The following TMEM14C variants were observed in gnomAD, a reference collection of about 807,000 sequenced individuals.
TMEM14C encodes the protein transmembrane protein 14C.
TMEM14C carries 13 observed loss-of-function variants against 14.8 expected under a neutral mutation model. That is an observed-to-expected ratio of 0.88 (90% CI 0.57 to 1.40). The LOEUF (loss-of-function observed/expected upper bound fraction) is 1.40, where lower values mean the gene tolerates loss of function less well. Among genes scored for constraint, TMEM14C ranks in the 40% most tolerant of loss-of-function variants. TMEM14C has a pLI of 0.00. For missense variants in TMEM14C, 142 were observed against 138.8 expected, an observed-to-expected ratio of 1.02 and a Z score of -0.12; for synonymous variants, 57 against 51.3, an observed-to-expected ratio of 1.11 and a Z score of -0.48.
chr6:10,729,943 C>T (rs1162023763), intron 5 of TMEM14C, among the ~76,000 whole-genome samples: 3 of 151,932 alleles, frequency 2.0e-5, no homozygotes, highest in Non-Finnish European at 2.9e-5. Context: ...ATGAAAAATA[C>T]AAAAATTAGC....
intron 1 of TMEM14C, among the ~76,000 whole-genome samples, chr6:10,723,775 A>G (rs1319713533): frequency 6.6e-6 from 1 of 151,524 alleles, no homozygotes; most frequent in Non-Finnish European, 1.5e-5. Context: ...TAATTTTTTT[A>G]TATTTTTTAG....
chr6:10,727,673 T>G (rs1770905026), intron 4 of TMEM14C, among the ~76,000 whole-genome samples: 1 of 151,936 alleles, frequency 6.6e-6, no homozygotes, highest in African/African-American at 2.4e-5. Flanking sequence ...AAAAAAAAAT[T>G]AGCCAGGCGT....
chr6:10,726,283 C>G (rs1770857288), intron 4 of TMEM14C, among the ~76,000 whole-genome samples: 1 of 152,206 alleles, frequency 6.6e-6, no homozygotes, highest in South Asian at 2.1e-4. Context: ...GCAAATGTAT[C>G]AACCGTTGAG....
chr6:10,727,406 C>G (rs1015718018), intron 4 of TMEM14C, among the ~76,000 whole-genome samples: 2 of 152,106 alleles, frequency 1.3e-5, no homozygotes, highest in African/African-American at 4.8e-5. Flanking sequence ...GTGGCACAAC[C>G]TTGGCTCACT....
At chr6:10,728,923 AC>A (rs2127489050) in intron 5 of TMEM14C, 196 bp downstream of exon 5, 1 of 1,310,448 alleles carries the variant, frequency 7.6e-7, no homozygotes, top group Admixed American at 2.2e-5. Context: ...ATATCCATTC[AC>A]CGTGGAAATG....
At chr6:10,728,931 A>G in intron 5 of TMEM14C, 1 of 1,279,326 alleles carries the variant, frequency 7.8e-7, no homozygotes, top group Middle Eastern at 2.1e-4. Flanking sequence ...TCACCGTGGA[A>G]ATGGGTTTGT....
At chr6:10,725,510 T>C (rs537766545) in intron 3 of TMEM14C, among the ~76,000 whole-genome samples, 4 of 152,290 alleles carry the variant, frequency 2.6e-5, no homozygotes, top group Non-Finnish European at 5.9e-5. Flanking sequence ...TCCAGGTCTT[T>C]GTATTTTTTT....
intron 1 of TMEM14C, among the ~76,000 whole-genome samples, chr6:10,723,594 CTTTTT>C (rs34904534): frequency 3.4e-5 from 4 of 118,712 alleles, no homozygotes; most frequent in South Asian, 5.5e-4. Flanking sequence ...AAACTTAATT[CTTTTT>C]TTTTTTTTTT....
intron 1 of TMEM14C, 146 bp downstream of exon 1, chr6:10,723,387 TC>T (rs1415695974): frequency 6.6e-6 from 1 of 152,282 alleles, no homozygotes; most frequent in Non-Finnish European, 1.5e-5. Context: ...TTGGGTATTT[TC>T]TGCTTTTAAA....
chr6:10,730,525 T>G, intron 5 of TMEM14C, 90 bp from the exon 6 acceptor site: 1 of 1,294,462 alleles, frequency 7.7e-7, no homozygotes, highest in Non-Finnish European at 1.1e-6. Flanking sequence ...CCCCACGCAG[T>G]TGTGAGGAAC....
rs75418750 is a variant in TMEM14C at position 10,725,020 on chromosome 6, T to G, written c.80T>G (p.Ile27Ser). The G allele has an allele frequency of 6.2e-7, 1 of 1,614,244 alleles. No homozygotes were observed. The highest frequency in any genetic ancestry group is 1.1e-5 in the South Asian group (1 of 91,090). ...YAALVASGGIIGYVKAGSVPS... is the reference protein window; with the variant it reads ...YAALVASGGISGYVKAGSVPS... ...GCACTGGTTGCTTCTGGTGGGATCA[T>G]TGGCTATGTAAAAGCAGGTAGGGTT... Residue 27 changes from isoleucine (I) to serine (S), a missense_variant, in exon 3 of 6, where the codon ATT becomes AGT. By Grantham distance (142) the Ile-to-Ser change is moderately radical (BLOSUM62 -2). Transcript: ENST00000229563.
At chr6:10,727,694 G>A (rs1036180895) in intron 4 of TMEM14C, among the ~76,000 whole-genome samples, 5 of 151,986 alleles carry the variant, frequency 3.3e-5, no homozygotes, top group African/African-American at 1.2e-4. Context: ...GGTGGCGGAC[G>A]CCTGTAGTCC....
chr6:10,727,789 C>G (rs1230091487), intron 4 of TMEM14C, among the ~76,000 whole-genome samples: 1 of 151,944 alleles, frequency 6.6e-6, no homozygotes, highest in Admixed American at 6.5e-5. Context: ...CCACTGCACT[C>G]TAGCCTGGGC....
rs575454147 is a variant in TMEM14C, at chr6:10,730,513, T to TC, written c.288-97dup. On this transcript the variant is annotated intron_variant, in intron 5 of 5. Coordinates refer to ENST00000229563, the MANE Select transcript of TMEM14C (RefSeq NM_016462.4). ...TGACCACTCTTGCCTTAGTACCTCCTCCCCCACGCAGTTGTGAGGAACCAG... is the reference window on the plus strand; with the variant it reads ...TGACCACTCTTGCCTTAGTACCTCCTCCCCCCACGCAGTTGTGAGGAACCAG... 72 of 1,154,164 alleles carry TC rather than the reference T, an allele frequency of 6.2e-5. 1 individual carries two copies. In the South Asian group the frequency reaches 1.0e-3, roughly 17 times the overall value. The allele number at this position is 1,154,164 out of a possible 1,614,324, so 71.5% of individuals were successfully genotyped here.
intron 4 of TMEM14C, among the ~76,000 whole-genome samples, chr6:10,726,321 G>A (rs1770858305): frequency 6.6e-6 from 1 of 152,164 alleles, no homozygotes; most frequent in South Asian, 2.1e-4. Flanking sequence ...TTTGGCTTCA[G>A]CATCACTAAA....
In TMEM14C at chr6:10,730,899, A is replaced by G. The variant is rs1771005302; in HGVS notation, c.*233A>G. 6.0e-6 allele frequency: 7 copies of G among 1,166,472 alleles called. No homozygotes were observed. The highest frequency in any genetic ancestry group is 1.6e-5 in the African/African-American group (1 of 63,020). The allele number at this position is 1,166,472 out of a possible 1,614,324, so 72.3% of individuals were successfully genotyped here. A position where few individuals can be genotyped will look rare whatever the true frequency, so the allele number is the denominator to read the frequency against. On this transcript the variant is annotated 3_prime_UTR_variant, in exon 6 of 6. Coordinates refer to ENST00000229563, the MANE Select transcript of TMEM14C (RefSeq NM_016462.4). ...GACCCTCATAGAGCTTGATTCTTGT[A>G]TATTGATGTTGTCTTTTCTTTCTGT... is the stretch of plus-strand genomic sequence containing the variant.
Position 10,726,009 on chromosome 6 carries a change from G to T in TMEM14C, c.199+1G>T. 1 of 1,613,970 alleles carries T rather than the reference G, an allele frequency of 6.2e-7. No individual in the cohort carries two copies. Among genetic ancestry groups the T allele is most frequent in the Non-Finnish European group, 8.5e-7 (1 of 1,179,984 alleles). On this transcript the variant is annotated splice_donor_variant, in intron 4 of 5. Transcript: ENST00000229563. LOFTEE classifies it high-confidence loss of function. ...CCAAGGAACGTTTGGGTTTTCCTAGGTATGTCTGCTTTGGCGTCTCCTTAG... is the reference window on the plus strand; with the variant it reads ...CCAAGGAACGTTTGGGTTTTCCTAGTTATGTCTGCTTTGGCGTCTCCTTAG...
Position 10,725,922 on chromosome 6 carries a change from TGG to T in TMEM14C, c.114_115del (p.Ala39CysfsTer67). ...TTCCCTCTAGGCAGCGTGCCGTCCC[TGG>T]CTGCAGGGCTGCTCTTTGGCAGTCT... On this transcript the variant is annotated frameshift_variant, in exon 4 of 6. Coordinates refer to ENST00000229563, the MANE Select transcript of TMEM14C (RefSeq NM_016462.4). LOFTEE classifies it high-confidence loss of function. 6.2e-7 allele frequency: 1 copy of T among 1,613,992 alleles called. No homozygotes were observed. The highest frequency in any genetic ancestry group is 2.2e-5 in the East Asian group (1 of 44,880).
At chr6:10,727,537 G>A (rs908292671) in intron 4 of TMEM14C, among the ~76,000 whole-genome samples, 5 of 151,966 alleles carry the variant, frequency 3.3e-5, no homozygotes, top group African/African-American at 7.3e-5. Flanking sequence ...CAGGAGTTTC[G>A]CCATGTTGTC....
Sources: allele counts gnomAD v4.1 joint callset (sites outside exome capture counted in the v4.1 genomes callset), GRCh38; gene constraint gnomAD v4.1.1; transcripts MANE v1.5; gene names NCBI Gene and HGNC (gene_info 2026-07-23, HGNC 2026-07-21).